The following PCCA variants were observed in gnomAD, a reference collection of about 807,000 sequenced individuals.
The protein encoded by PCCA is propionyl-CoA carboxylase subunit alpha, also known as propionyl-CoA carboxylase alpha chain, mitochondrial.
A neutral mutation model predicts 101.3 loss-of-function variants in PCCA; 74 were observed. That is an observed-to-expected ratio of 0.73 (90% confidence interval 0.61 to 0.89). The LOEUF (loss-of-function observed/expected upper bound fraction) is 0.89, where lower values mean the gene tolerates loss of function less well. Among genes scored for constraint, PCCA ranks in the 40% least tolerant of loss-of-function variants. PCCA has a pLI of 0.00. For synonymous variants in PCCA, 294 were observed against 313.6 expected, an observed-to-expected ratio of 0.94 and a Z score of 0.66; for missense variants, 891 against 907.0, an observed-to-expected ratio of 0.98 and a Z score of 0.23.
chr13:100,196,534 A>T, intron 6 of PCCA, among the ~76,000 whole-genome samples: 1 of 152,192 alleles, frequency 6.6e-6, no homozygotes, highest in East Asian at 1.9e-4. Flanking sequence ...AAGTAATAGT[A>T]TTACTTCAGT....
At chr13:100,301,405 T>A (rs1034045848) in intron 12 of PCCA, 55 bp from the exon 13 acceptor site, 4 of 1,597,864 alleles carry the variant, frequency 2.5e-6, no homozygotes, top group African/African-American at 2.7e-5. Context: ...TCTTGTTTGT[T>A]TCTATTTATT....
At chr13:100,529,434 C>T (rs1297326481) in intron 23 of PCCA, among the ~76,000 whole-genome samples, 2 of 152,206 alleles carry the variant, frequency 1.3e-5, no homozygotes, top group African/African-American at 4.8e-5. Flanking sequence ...TTCCCCACCT[C>T]AAGCCCCTCC....
chr13:100,309,722 G>A (rs1381770006), intron 15 of PCCA, 111 bp from the exon 16 acceptor site: 12 of 683,968 alleles, frequency 1.8e-5, no homozygotes, highest in East Asian at 2.9e-5. Context: ...ATAAAATTTC[G>A]AGATATATTT....
intron 6 of PCCA, among the ~76,000 whole-genome samples, chr13:100,162,483 G>T (rs547767927): frequency 6.6e-6 from 1 of 152,178 alleles, no homozygotes; most frequent in African/African-American, 2.4e-5. Flanking sequence ...GGGCTGGGCC[G>T]TTAGTGGTAT....
At position 100,433,691 on chromosome 13, in the gene PCCA, C is replaced by T. The variant is rs947641993; in HGVS notation, c.1845+7960C>T. ...TGGTAAAACCTCTCCTCTCTAAACT[C>T]AGTTTGACCTCACACTGAGAAACCT... On this transcript the variant is annotated intron_variant, in intron 20 of 23. Transcript: ENST00000376285. 2.6e-5 allele frequency among the ~76,000 whole-genome samples: 4 copies of T among 152,124 alleles called. No homozygotes were observed. The East Asian group carries it at 7.7e-4, about 29-fold the overall frequency.
At position 100,530,400 on chromosome 13, in the gene PCCA, CAAAATT is replaced by C; in HGVS notation, c.*238_*243del. On this transcript the variant is annotated 3_prime_UTR_variant, in exon 24 of 24. Transcript: ENST00000376285. ...CTTCTGCTGTGAGATTCCCTAGTGTCAAAATTAAATCAATAAAACTGAGCATTTGTC... is the reference window on the plus strand; with the variant it reads ...CTTCTGCTGTGAGATTCCCTAGTGTCAAATCAATAAAACTGAGCATTTGTC... The C allele has an allele frequency of 1.7e-6, 1 of 596,282 alleles. No homozygotes were observed. The allele number at this position is 596,282 out of a possible 1,614,324, so 36.9% of individuals were successfully genotyped here.
At chr13:100,350,808 C>T (rs1032906924) in intron 18 of PCCA, among the ~76,000 whole-genome samples, 8 of 152,164 alleles carry the variant, frequency 5.3e-5, no homozygotes, top group Non-Finnish European at 7.3e-5. Flanking sequence ...TGTTGCACCC[C>T]ACTGGCAAAT....
intron 12 of PCCA, among the ~76,000 whole-genome samples, chr13:100,284,107 T>C (rs1451725021): frequency 6.6e-6 from 1 of 152,256 alleles, no homozygotes; most frequent in Non-Finnish European, 1.5e-5. Flanking sequence ...GTTAATCTCC[T>C]GTCCTGGATG....
intron 12 of PCCA, among the ~76,000 whole-genome samples, chr13:100,297,564 C>A (rs893417139): frequency 1.3e-5 from 2 of 152,082 alleles, no homozygotes; most frequent in East Asian, 3.8e-4. Context: ...AAATTTGAAG[C>A]AACAGATGAG....
At chr13:100,099,315 CTTTTTT>C (rs940373587) in intron 1 of PCCA, among the ~76,000 whole-genome samples, 1 of 124,504 alleles carries the variant, frequency 8.0e-6, no homozygotes, top group South Asian at 2.6e-4. Flanking sequence ...GCTATCTAAT[CTTTTTT>C]TTTTTTTTTT....
chr13:100,248,904 G>A (rs933177771), intron 8 of PCCA, among the ~76,000 whole-genome samples: 5 of 151,704 alleles, frequency 3.3e-5, no homozygotes, highest in African/African-American at 7.3e-5. Context: ...CCGCCACCAC[G>A]CCTGGCTAAT....
intron 8 of PCCA, among the ~76,000 whole-genome samples, chr13:100,251,004 A>G (rs1478205510): frequency 6.6e-6 from 1 of 152,182 alleles, no homozygotes; most frequent in Non-Finnish European, 1.5e-5. Context: ...GAGATATAAT[A>G]GTATATATAC....
At chr13:100,407,943 G>A (rs777004310) in intron 19 of PCCA, among the ~76,000 whole-genome samples, 74 of 152,128 alleles carry the variant, frequency 4.9e-4, no homozygotes, top group Non-Finnish European at 9.4e-4. Flanking sequence ...CTGAGGTCAG[G>A]AGGTCAAGAC....
At chr13:100,310,792 A>G (rs139661698) in intron 16 of PCCA, among the ~76,000 whole-genome samples, 1 of 152,298 alleles carries the variant, frequency 6.6e-6, no homozygotes, top group Non-Finnish European at 1.5e-5. Flanking sequence ...TCCTAACTTT[A>G]TATGTGTCAC....
At position 100,524,082 on chromosome 13, in the gene PCCA, G is replaced by A. The variant is rs184635629; in HGVS notation, c.2041-3593G>A. On this transcript the variant is annotated intron_variant, in intron 22 of 23. Coordinates refer to ENST00000376285, the MANE Select transcript of PCCA (RefSeq NM_000282.4). ...CTGGTGTACCCTACATGTACTCTAC[G>A]GTGTGCGACACATTCTGCAGGAGTC... Among the ~76,000 whole-genome samples the A allele has an allele frequency of 7.0e-4, 106 of 152,300 alleles. No homozygotes were observed. The East Asian group carries it at 0.014, about 19-fold the overall frequency.
chr13:100,456,015 T>C (rs1274003533), intron 21 of PCCA, among the ~76,000 whole-genome samples: 6 of 152,198 alleles, frequency 3.9e-5, no homozygotes, highest in African/African-American at 1.4e-4. Context: ...CAATAGTTTC[T>C]TTAGGGTTTT....
rs2077282470 is a variant in PCCA at position 100,400,613 on chromosome 13, CTTAGTTCTTT to C, written c.1747-25007_1747-24998del. Reference sequence around the variant, plus strand: ...TTTTAGGTGTAATATGATGATTGATCTTAGTTCTTTTTAGTTCTTTTTTTTTTTTTTTTTG... The same window carrying C: ...TTTTAGGTGTAATATGATGATTGATCTTAGTTCTTTTTTTTTTTTTTTTTG... On this transcript the variant is annotated intron_variant, in intron 19 of 23. Coordinates refer to ENST00000376285, the MANE Select transcript of PCCA (RefSeq NM_000282.4). Among the ~76,000 whole-genome samples, 7 of 97,980 alleles carry C rather than the reference CTTAGTTCTTT, an allele frequency of 7.1e-5. 1 individual carries two copies. Among genetic ancestry groups the C allele is most frequent in the East Asian group, 6.8e-4 (2 of 2,932 alleles). 64.3% of individuals were successfully genotyped at this position (97,980 alleles called of 152,430 possible).
At chr13:100,449,609 C>T (rs2081078673) in intron 21 of PCCA, among the ~76,000 whole-genome samples, 1 of 152,190 alleles carries the variant, frequency 6.6e-6, no homozygotes, top group Non-Finnish European at 1.5e-5. Flanking sequence ...GCCTCAGCCA[C>T]CCAAATAGCT....
In PCCA at chr13:100,428,738, C is replaced by G. The variant is rs554445588; in HGVS notation, c.1845+3007C>G. ...GGGCTAGGTCTGCATTTCTGGCAAG[C>G]CCCCAGGTAATGCTGCTGGTCTGGG... On this transcript the variant is annotated intron_variant, in intron 20 of 23. Transcript: ENST00000376285. Among the ~76,000 whole-genome samples the G allele has an allele frequency of 2.6e-4, 40 of 152,200 alleles. No homozygotes were observed. The East Asian group carries it at 7.4e-3, about 28-fold the overall frequency.
Sources: gnomAD v4.1 joint callset for allele counts (sites outside exome capture counted in the v4.1 genomes callset) on GRCh38, gnomAD v4.1.1 for gene constraint, MANE v1.5 for transcripts, NCBI Gene and HGNC (gene_info 2026-07-23, HGNC 2026-07-21) for gene names.